Variants in EEFSEC observed in about 807,000 individuals in gnomAD.
The protein encoded by EEFSEC is selenocysteine-specific elongation factor.
EEFSEC carries 43 observed loss-of-function variants against 42.1 expected under a neutral mutation model. The ratio of observed to expected loss-of-function variants is 1.02; its 90% CI spans 0.80 to 1.32. The LOEUF is 1.32. EEFSEC is among the 40% of genes most tolerant of loss of function. The pLI is 0.00. For missense variants in EEFSEC, 745 were observed against 803.6 expected (o/e 0.93, Z 0.88); for synonymous variants, 354 against 339.1 (o/e 1.04, Z -0.48).
intron 6 of EEFSEC, among the ~76,000 whole-genome samples, chr3:128,384,155 A>G (rs536470269): frequency 1.6e-4 from 25 of 152,276 alleles, no homozygotes; most frequent in African/African-American, 5.3e-4. Flanking sequence ...ACTGAGTTCC[A>G]TCTTGGAGGA....
chr3:128,253,200 A>G (rs1236779633), intron 2 of EEFSEC, among the ~76,000 whole-genome samples: 1 of 152,240 alleles, frequency 6.6e-6, no homozygotes, highest in African/African-American at 2.4e-5. Flanking sequence ...CAAAAGCTTT[A>G]TAGGTAATCT....
intron 4 of EEFSEC, among the ~76,000 whole-genome samples, chr3:128,282,125 G>C (rs2066532782): frequency 6.6e-6 from 1 of 152,250 alleles, no homozygotes; most frequent in Admixed American, 6.5e-5. Flanking sequence ...CTGGAGCAAG[G>C]GTGCCTGGAC....
intron 6 of EEFSEC, among the ~76,000 whole-genome samples, chr3:128,395,054 C>T (rs934333197): frequency 6.6e-6 from 1 of 152,226 alleles, no homozygotes; most frequent in Non-Finnish European, 1.5e-5. Context: ...AGGGGAGTGT[C>T]CTCCCTGTGC....
intron 1 of EEFSEC, among the ~76,000 whole-genome samples, chr3:128,157,267 T>C (rs1944397427): frequency 6.6e-6 from 1 of 152,156 alleles, no homozygotes; most frequent in African/African-American, 2.4e-5. Context: ...AGTTGGTTCA[T>C]GAGGTTTGAG....
intron 1 of EEFSEC, among the ~76,000 whole-genome samples, chr3:128,188,645 C>T (rs1389878223): frequency 6.6e-6 from 1 of 152,202 alleles, no homozygotes; most frequent in Non-Finnish European, 1.5e-5. Context: ...TCCACAGTAT[C>T]GCATCTAATT....
At chr3:128,196,868 C>T (rs1043135893) in intron 1 of EEFSEC, among the ~76,000 whole-genome samples, 7 of 152,202 alleles carry the variant, frequency 4.6e-5, no homozygotes, top group Admixed American at 2.0e-4. Context: ...GGCATGCACT[C>T]AGCAAATAGT....
At position 128,263,671 on chromosome 3, in the gene EEFSEC, CT is replaced by C. The variant is rs142242283; in HGVS notation, c.622-943del. Among the ~76,000 whole-genome samples the C allele has an allele frequency of 4.7e-3, 721 of 152,366 alleles. 6 individuals carry two copies. The highest frequency in any genetic ancestry group is 0.016 in the African/African-American group (680 of 41,590). ...AAGAATTGTTATCACAAGACTAAGA[CT>C]TTGGAACATTCACCACTGAATACTT... On this transcript the variant is annotated intron_variant, in intron 3 of 6. Coordinates refer to ENST00000254730, the MANE Select transcript of EEFSEC (RefSeq NM_021937.5).
chr3:128,320,535 A>C (rs2066996076), intron 4 of EEFSEC, among the ~76,000 whole-genome samples: 1 of 152,218 alleles, frequency 6.6e-6, no homozygotes, highest in African/African-American at 2.4e-5. Context: ...GGGGTCACGT[A>C]GCTAATATGA....
the EEFSEC span, among the ~76,000 whole-genome samples, chr3:128,420,745 C>A: frequency 6.6e-6 from 1 of 152,186 alleles, no homozygotes; most frequent in Admixed American, 6.5e-5. Flanking sequence ...TACTTCTCTT[C>A]CCTCCCTCCA....
intron 6 of EEFSEC, among the ~76,000 whole-genome samples, chr3:128,379,646 C>T (rs546459891): frequency 1.3e-5 from 2 of 152,320 alleles, no homozygotes; most frequent in South Asian, 2.1e-4. Flanking sequence ...TCTCTGGGGC[C>T]CCTAGGAAGA....
intron 1 of EEFSEC, among the ~76,000 whole-genome samples, chr3:128,167,647 C>T (rs775597333): frequency 3.3e-5 from 5 of 152,228 alleles, no homozygotes; most frequent in East Asian, 1.9e-4. Context: ...ACACTAATGC[C>T]GGGAACACGG....
intron 1 of EEFSEC, among the ~76,000 whole-genome samples, chr3:128,163,033 G>A (rs1559849209): frequency 6.6e-6 from 1 of 152,162 alleles, no homozygotes; most frequent in African/African-American, 2.4e-5. Flanking sequence ...CATAAATTAA[G>A]CCCTAAGACA....
chr3:128,403,250 T>G (rs2068069161), intron 6 of EEFSEC, among the ~76,000 whole-genome samples: 1 of 151,960 alleles, frequency 6.6e-6, no homozygotes, highest in Non-Finnish European at 1.5e-5. Context: ...GGCAGAGGGA[T>G]TGGCAATGAC....
intron 4 of EEFSEC, among the ~76,000 whole-genome samples, chr3:128,331,070 C>T (rs2067124718): frequency 3.4e-5 from 1 of 29,786 alleles, no homozygotes. Context: ...CCCCCTTCCT[C>T]AATGCATCTC....
chr3:128,390,396 C>A (rs1467762648), intron 6 of EEFSEC, among the ~76,000 whole-genome samples: 1 of 152,212 alleles, frequency 6.6e-6, no homozygotes, highest in Non-Finnish European at 1.5e-5. Flanking sequence ...GGGAAGGGAC[C>A]TTTTCGCCTC....
intron 4 of EEFSEC, among the ~76,000 whole-genome samples, chr3:128,327,931 C>T (rs890246046): frequency 7.2e-5 from 11 of 152,052 alleles, no homozygotes; most frequent in African/African-American, 2.2e-4. Context: ...TTTGTTGGCT[C>T]GTGGGCTATG....
chr3:128,385,102 T>C (rs1449808901), intron 6 of EEFSEC, among the ~76,000 whole-genome samples: 1 of 152,212 alleles, frequency 6.6e-6, no homozygotes, highest in Non-Finnish European at 1.5e-5. Context: ...CCAGGCACCT[T>C]GTCCTAGCCC....
chr3:128,211,005 G>A (rs1341429407), intron 1 of EEFSEC, among the ~76,000 whole-genome samples: 1 of 152,210 alleles, frequency 6.6e-6, no homozygotes, highest in Non-Finnish European at 1.5e-5. Context: ...GAGCTTGGTG[G>A]TCAGACATCC....
At chr3:128,300,944 T>G (rs2066760652) in intron 4 of EEFSEC, among the ~76,000 whole-genome samples, 1 of 152,172 alleles carries the variant, frequency 6.6e-6, no homozygotes, top group African/African-American at 2.4e-5. Flanking sequence ...TTCTTGCATA[T>G]GCCTAAATTA....
Sources: gnomAD v4.1 joint callset for allele counts (sites outside exome capture counted in the v4.1 genomes callset) on GRCh38, gnomAD v4.1.1 for gene constraint, MANE v1.5 for transcripts, NCBI Gene and HGNC (gene_info 2026-07-23, HGNC 2026-07-21) for gene names.